The following GALNS variants were observed in gnomAD, a reference collection of about 807,000 sequenced individuals.
The protein encoded by GALNS is galactosamine (N-acetyl)-6-sulfatase.
A neutral mutation model predicts 65.9 loss-of-function variants in GALNS; 65 were observed. The ratio of observed to expected loss-of-function variants is 0.99; its 90% CI spans 0.81 to 1.21. The LOEUF is 1.21. Ranked by LOEUF, GALNS falls within the 50% of genes most tolerant of loss-of-function variation. GALNS has a pLI of 0.00. For synonymous variants in GALNS, 346 were observed against 288.9 expected (o/e 1.20, Z -2.00); for missense variants, 776 against 700.7 (o/e 1.11, Z -1.21).
intron 4 of GALNS, chr16:88,840,748 T>G (rs1459321255): frequency 1.8e-6 from 1 of 549,900 alleles, no homozygotes; most frequent in Admixed American, 2.9e-5. Flanking sequence ...GTGACAGGCC[T>G]GCGGAGTCTG....
intron 6 of GALNS, 148 bp downstream of exon 6, chr16:88,836,053 C>G (rs1057037906): frequency 9.2e-7 from 1 of 1,083,266 alleles, no homozygotes; most frequent in South Asian, 1.3e-5. Context: ...ACGCGTCCCA[C>G]GGGGCGAGGG....
intron 1 of GALNS, among the ~76,000 whole-genome samples, chr16:88,846,920 C>G (rs78261490): frequency 0.049 from 7,395 of 152,082 alleles, 248 homozygotes; most frequent in Middle Eastern, 0.15. Flanking sequence ...GGGGGTGTGG[C>G]CAGGGGGTTA....
chr16:88,842,289 C>G (rs920328504), intron 2 of GALNS: 1 of 532,488 alleles, frequency 1.9e-6, no homozygotes, highest in South Asian at 2.0e-5. Flanking sequence ...GCACCAGCCC[C>G]GTGCCCTGCC....
At chr16:88,835,606 G>T in intron 7 of GALNS, 119 bp downstream of exon 7, 1 of 1,483,272 alleles carries the variant, frequency 6.7e-7, no homozygotes, top group Non-Finnish European at 9.3e-7. Context: ...CAAAGGGGTG[G>T]GGTTGCTCTG....
rs770145196 is a variant in GALNS at position 88,856,902 on chromosome 16, C to G, written c.-25G>C. Reference sequence around the variant, plus strand: ...TGGCAACCACGGGAGCCGCGGAGCCCCGGCCAGCGAGCCGACCTAGCGAGC... The same window carrying G: ...TGGCAACCACGGGAGCCGCGGAGCCGCGGCCAGCGAGCCGACCTAGCGAGC... On this transcript the variant is annotated 5_prime_UTR_variant, in exon 1 of 14. Coordinates refer to ENST00000268695, the MANE Select transcript of GALNS (RefSeq NM_000512.5). 7.3e-6 allele frequency: 11 copies of G among 1,499,374 alleles called. No homozygotes were observed. In the African/African-American group the frequency reaches 1.0e-4, roughly 14 times the overall value. The allele number at this position is 1,499,374 out of a possible 1,614,324, so 92.9% of individuals were successfully genotyped here. A position where few individuals can be genotyped will look rare whatever the true frequency, so the allele number is the denominator to read the frequency against.
chr16:88,841,539 CA>C (rs1310746026), intron 3 of GALNS, among the ~76,000 whole-genome samples: 1 of 152,192 alleles, frequency 6.6e-6, no homozygotes, highest in Non-Finnish European at 1.5e-5. Flanking sequence ...GGAGCCCATC[CA>C]AACCCCTCAA....
chr16:88,839,172 G>A (rs1427636685), intron 4 of GALNS, among the ~76,000 whole-genome samples: 8 of 149,244 alleles, frequency 5.4e-5, no homozygotes, highest in Non-Finnish European at 9.0e-5. Flanking sequence ...GCTGGTCACC[G>A]CCCGGCCACA....
chr16:88,841,263 A>G (rs1966958441), intron 3 of GALNS, among the ~76,000 whole-genome samples, 169 bp from the exon 4 acceptor site: 1 of 152,154 alleles, frequency 6.6e-6, no homozygotes, highest in Non-Finnish European at 1.5e-5. Flanking sequence ...GGCACTTCCC[A>G]AGATTTTTCC....
intron 8 of GALNS, 67 bp downstream of exon 8, chr16:88,835,146 G>C (rs564782335): frequency 5.7e-5 from 88 of 1,545,478 alleles, no homozygotes; most frequent in Non-Finnish European, 7.5e-5. Context: ...GGGCACAGCC[G>C]GTCCAGGCAC....
intron 9 of GALNS, among the ~76,000 whole-genome samples, chr16:88,830,413 C>G (rs950877452): frequency 6.6e-6 from 1 of 152,132 alleles, no homozygotes; most frequent in South Asian, 2.1e-4. Flanking sequence ...CCACGCACGT[C>G]TTCACTCAGC....
intron 10 of GALNS, 146 bp downstream of exon 10, chr16:88,826,556 C>T: frequency 1.0e-6 from 1 of 962,190 alleles, no homozygotes; most frequent in East Asian, 2.5e-5. Flanking sequence ...TCGTCTCAGG[C>T]ACCCCTGCCT....
At chr16:88,845,515 G>C (rs1164337814) in intron 1 of GALNS, 1 of 152,228 alleles carries the variant, frequency 6.6e-6, no homozygotes, top group Non-Finnish European at 1.5e-5. Flanking sequence ...TTGGGAGGCC[G>C]AGGTAGGCGG....
At chr16:88,856,529 C>T (rs1967900912) in intron 1 of GALNS, 1 of 696,462 alleles carries the variant, frequency 1.4e-6, no homozygotes, top group Non-Finnish European at 2.6e-6. Context: ...AGACCCCACG[C>T]CTGGACCCCG....
chr16:88,855,004 G>A, intron 1 of GALNS: 1 of 339,916 alleles, frequency 2.9e-6, no homozygotes, highest in South Asian at 2.3e-5. Flanking sequence ...TGCCCCGGTG[G>A]CCACACCCCA....
intron 1 of GALNS, chr16:88,843,559 C>G (rs567598901): frequency 1.9e-4 from 45 of 242,554 alleles, no homozygotes; most frequent in Middle Eastern, 1.7e-3. Context: ...GGCCCTCAAT[C>G]CTATGACTGG....
chr16:88,855,208 A>C (rs1379142100), intron 1 of GALNS: 1 of 693,302 alleles, frequency 1.4e-6, no homozygotes, highest in South Asian at 1.5e-5. Context: ...AAAATTATTC[A>C]TGAGCTGCCC....
chr16:88,830,746 C>T (rs1911415958), intron 9 of GALNS, among the ~76,000 whole-genome samples: 1 of 152,166 alleles, frequency 6.6e-6, no homozygotes, highest in African/African-American at 2.4e-5. Flanking sequence ...GCAGGGCGCA[C>T]CCTCGCCCAG....
intron 1 of GALNS, among the ~76,000 whole-genome samples, chr16:88,846,872 C>T (rs765405412): frequency 6.6e-6 from 1 of 152,042 alleles, no homozygotes; most frequent in Non-Finnish European, 1.5e-5. Flanking sequence ...TCCCGACCCC[C>T]GTGTGTGGTC....
chr16:88,816,885 G>T (rs567910182), intron 13 of GALNS: 1 of 985,436 alleles, frequency 1.0e-6, no homozygotes, highest in African/African-American at 1.7e-5. Context: ...GCAGATCCAG[G>T]GGCTGTGGGC....
Sources: allele counts gnomAD v4.1 joint callset (sites outside exome capture counted in the v4.1 genomes callset), GRCh38; gene constraint gnomAD v4.1.1; transcripts MANE v1.5; gene names NCBI Gene and HGNC (gene_info 2026-07-23, HGNC 2026-07-21).